The following DISC1 variants were observed in gnomAD, a reference collection of about 807,000 sequenced individuals.
DISC1 encodes DISC1 scaffold protein.
A neutral mutation model predicts 84.5 loss-of-function variants in DISC1; 57 were observed. The observed-to-expected ratio is 0.67, with a 90% CI of 0.55 to 0.84. The LOEUF is 0.84. Ranked by LOEUF, DISC1 falls within the 40% of genes least tolerant of loss-of-function variation. The probability of loss-of-function intolerance (pLI) is 0.00; values close to 1 mark genes in which losing one functional copy is unlikely to be tolerated. For missense variants in DISC1, 1,000 were observed against 1,057.8 expected, an observed-to-expected ratio of 0.95 and a Z score of 0.76; for synonymous variants, 411 against 415.2, an observed-to-expected ratio of 0.99 and a Z score of 0.12.
chr1:231,877,315 G>A lies in DISC1; in HGVS notation c.1981+58798G>A, dbSNP rs74144165. Among the ~76,000 whole-genome samples the A allele has an allele frequency of 8.5e-3, 1,301 of 152,248 alleles. 20 individuals are homozygous for A. Among genetic ancestry groups the A allele is most frequent in the African/African-American group, 0.03 (1,229 of 41,528 alleles). Reference sequence around the variant, plus strand: ...ATAGGTTATTGACAAGCACTGTTACGGTTTTGAGCACCAAGAGAAAAAGGT... The same window carrying A: ...ATAGGTTATTGACAAGCACTGTTACAGTTTTGAGCACCAAGAGAAAAAGGT... On this transcript the variant is annotated intron_variant, in intron 9 of 12. Transcript: ENST00000439617.
At chr1:231,923,263 C>T (rs1437123430) in intron 9 of DISC1, among the ~76,000 whole-genome samples, 4 of 148,578 alleles carry the variant, frequency 2.7e-5, no homozygotes, top group East Asian at 2.0e-4. Context: ...CTCCAGCCTA[C>T]GCAACAGAGC....
At chr1:231,779,022 CG>C (rs1558529198) in intron 6 of DISC1, among the ~76,000 whole-genome samples, 1 of 152,148 alleles carries the variant, frequency 6.6e-6, no homozygotes, top group African/African-American at 2.4e-5. Flanking sequence ...AACAGACTCT[CG>C]GTGGCAATAA....
chr1:231,985,326 C>A (rs1158533784), intron 10 of DISC1, among the ~76,000 whole-genome samples: 1 of 136,992 alleles, frequency 7.3e-6, no homozygotes, highest in Admixed American at 7.0e-5. Flanking sequence ...AACTCCATCC[C>A]CCCACCCACC....
At chr1:231,948,621 G>A (rs1447213359) in intron 9 of DISC1, among the ~76,000 whole-genome samples, 1 of 151,662 alleles carries the variant, frequency 6.6e-6, no homozygotes, top group Non-Finnish European at 1.5e-5. Context: ...AAAAAGAAGT[G>A]CTCCCAGGGA....
intron 9 of DISC1, among the ~76,000 whole-genome samples, chr1:231,925,464 T>G (rs1379434117): frequency 6.6e-6 from 1 of 152,136 alleles, no homozygotes. Context: ...TACCCAGATG[T>G]TCACAGGTCA....
At chr1:231,943,380 A>G (rs9431732) in intron 9 of DISC1, among the ~76,000 whole-genome samples, 12,524 of 152,292 alleles carry the variant, frequency 0.082, 630 homozygotes, top group Middle Eastern at 0.14. Context: ...GTGAGAAGGA[A>G]TGGGAAAGGC....
At chr1:231,663,302 C>T (rs2061714527) in intron 1 of DISC1, among the ~76,000 whole-genome samples, 1 of 152,266 alleles carries the variant, frequency 6.6e-6, no homozygotes, top group Non-Finnish European at 1.5e-5. Context: ...AACATCAGAG[C>T]TCCACAATAT....
At chr1:231,816,968 T>G (rs1292228914) in intron 8 of DISC1, among the ~76,000 whole-genome samples, 2 of 151,940 alleles carry the variant, frequency 1.3e-5, no homozygotes, top group Admixed American at 1.3e-4. Context: ...CTTCTTCTTC[T>G]TTCTCCCTCT....
rs1670670602 is a variant in DISC1 at position 232,038,923 on chromosome 1, C to G, written c.*2092C>G. 6.6e-6 allele frequency: 1 copy of G among 152,204 alleles called. No individual in the cohort carries two copies. Among genetic ancestry groups the G allele is most frequent in the African/African-American group, 2.4e-5 (1 of 41,450 alleles). 9.4% of individuals were successfully genotyped at this position (152,204 alleles called of 1,614,324 possible). A position where few individuals can be genotyped will look rare whatever the true frequency, so the allele number is the denominator to read the frequency against. ...GCTCAGCCTTCCATGCTGTGCAGCA[C>G]TTCTGTCCTCAGTCAAGGAGATGGC... On this transcript the variant is annotated 3_prime_UTR_variant, in exon 13 of 13. Transcript: ENST00000439617.
intron 10 of DISC1, among the ~76,000 whole-genome samples, chr1:232,006,285 C>T (rs1268684861): frequency 6.6e-6 from 1 of 152,156 alleles, no homozygotes; most frequent in Non-Finnish European, 1.5e-5. Flanking sequence ...CAGAAGAAGA[C>T]AGGAAGATGT....
At chr1:231,780,775 G>A (rs1402226998) in intron 6 of DISC1, among the ~76,000 whole-genome samples, 1 of 92,656 alleles carries the variant, frequency 1.1e-5, no homozygotes, top group Non-Finnish European at 2.1e-5. Context: ...GTCCATCAAT[G>A]ATAGACTGGA....
chr1:231,730,551 C>A (rs1381764100), intron 3 of DISC1, among the ~76,000 whole-genome samples: 5 of 152,092 alleles, frequency 3.3e-5, no homozygotes, highest in Non-Finnish European at 5.9e-5. Context: ...GTGAACATAG[C>A]ACCCAATAAA....
intron 4 of DISC1, among the ~76,000 whole-genome samples, chr1:231,752,597 T>C (rs2074729949): frequency 6.6e-6 from 1 of 152,116 alleles, no homozygotes; most frequent in Admixed American, 6.5e-5. Flanking sequence ...CCAAACCATA[T>C]CATTCCACCC....
rs1004791927 is a variant in DISC1, at chr1:231,922,569, T to C, written c.1982-36259T>C. Among the ~76,000 whole-genome samples the C allele has an allele frequency of 3.9e-5, 6 of 152,104 alleles. 1 individual carries two copies. Among genetic ancestry groups the C allele is most frequent in the Admixed American group, 3.3e-4 (5 of 15,276 alleles). On this transcript the variant is annotated intron_variant, in intron 9 of 12. Coordinates refer to ENST00000439617, the MANE Select transcript of DISC1 (RefSeq NM_018662.3). ...AGTGGGAATAGTTGTCCTAACCACT[T>C]GGCTAGATGGCTGCCTGTGGGGTGG...
At chr1:231,692,470 A>C (rs1479627527) in intron 1 of DISC1, among the ~76,000 whole-genome samples, 1 of 152,116 alleles carries the variant, frequency 6.6e-6, no homozygotes, top group Non-Finnish European at 1.5e-5. Context: ...TGCCACCCCC[A>C]CCCCTTTTAG....
intron 6 of DISC1, among the ~76,000 whole-genome samples, chr1:231,778,922 G>C (rs979554663): frequency 2.0e-5 from 3 of 152,128 alleles, no homozygotes; most frequent in African/African-American, 7.2e-5. Flanking sequence ...CGGGAGGTCG[G>C]ATTTGCCTTG....
chr1:231,710,338 C>A (rs116273898), intron 3 of DISC1, among the ~76,000 whole-genome samples: 153 of 152,046 alleles, frequency 1.0e-3, no homozygotes, highest in African/African-American at 3.6e-3. Context: ...AGAGCAAGAC[C>A]CTGTCTCAAA....
chr1:231,961,771 A>G (rs951667232), intron 10 of DISC1, among the ~76,000 whole-genome samples: 2 of 152,106 alleles, frequency 1.3e-5, no homozygotes, highest in African/African-American at 2.4e-5. Flanking sequence ...TTCTTTATCC[A>G]TTTCACCATT....
chr1:231,997,384 A>G (rs1666092732), intron 10 of DISC1, among the ~76,000 whole-genome samples: 1 of 152,198 alleles, frequency 6.6e-6, no homozygotes, highest in African/African-American at 2.4e-5. Flanking sequence ...AGCAATGTTG[A>G]TGGATCTGTC....
Sources: allele counts gnomAD v4.1 joint callset (sites outside exome capture counted in the v4.1 genomes callset), GRCh38; gene constraint gnomAD v4.1.1; transcripts MANE v1.5; gene names NCBI Gene and HGNC (gene_info 2026-07-23, HGNC 2026-07-21).